Variants in FREM2 observed in about 807,000 individuals in gnomAD.
FREM2 encodes the protein FRAS1-related extracellular matrix protein 2.
In FREM2, 119 loss-of-function variants were observed where a neutral mutation model predicts 219.9. That is an observed-to-expected ratio of 0.54 (90% CI 0.47 to 0.63). The LOEUF is 0.63. FREM2 is among the 30% of genes least tolerant of loss of function. The probability of loss-of-function intolerance (pLI) is 0.00; values close to 1 mark genes in which losing one functional copy is unlikely to be tolerated. For synonymous variants in FREM2, 1,562 were observed against 1,522.8 expected, an observed-to-expected ratio of 1.03 and a Z score of -0.60; for missense variants, 4,030 against 3,993.6, an observed-to-expected ratio of 1.01 and a Z score of -0.25.
At chr13:38,797,937 CT>C (rs910240890) in intron 6 of FREM2, among the ~76,000 whole-genome samples, 10 of 152,018 alleles carry the variant, frequency 6.6e-5, no homozygotes, top group African/African-American at 2.4e-4. Flanking sequence ...ATTTGACTTA[CT>C]TTTTTTCCAG....
chr13:38,701,231 T>C (rs1870330682), intron 2 of FREM2, among the ~76,000 whole-genome samples: 1 of 152,128 alleles, frequency 6.6e-6, no homozygotes, highest in Non-Finnish European at 1.5e-5. Flanking sequence ...CCAGGTGTTC[T>C]GGGCCAGTCA....
intron 6 of FREM2, among the ~76,000 whole-genome samples, chr13:38,804,489 T>C (rs1459216628): frequency 6.6e-6 from 1 of 151,980 alleles, no homozygotes; most frequent in Admixed American, 6.6e-5. Flanking sequence ...AAATACGGTA[T>C]GTGGGGGGAT....
chr13:38,822,675 T>G (rs978050759), intron 6 of FREM2, among the ~76,000 whole-genome samples: 2 of 152,096 alleles, frequency 1.3e-5, no homozygotes, highest in African/African-American at 4.8e-5. Flanking sequence ...ATGTTTTCTG[T>G]GATGTTGGTC....
intron 3 of FREM2, among the ~76,000 whole-genome samples, chr13:38,766,809 G>A (rs183281519): frequency 9.2e-5 from 14 of 152,192 alleles, no homozygotes; most frequent in East Asian, 1.9e-4. Flanking sequence ...TACTTCATAC[G>A]TACATTAAGC....
intron 15 of FREM2, among the ~76,000 whole-genome samples, chr13:38,863,835 G>A (rs1428178031): frequency 6.6e-6 from 1 of 151,990 alleles, no homozygotes; most frequent in Non-Finnish European, 1.5e-5. Flanking sequence ...TTTGTTTTTT[G>A]TAGGGGTTTT....
intron 2 of FREM2, among the ~76,000 whole-genome samples, chr13:38,743,044 G>A (rs904701366): frequency 2.4e-4 from 36 of 152,196 alleles, no homozygotes; most frequent in African/African-American, 7.9e-4. Context: ...GTAAGAATGA[G>A]CATGTAAGAA....
intron 6 of FREM2, among the ~76,000 whole-genome samples, chr13:38,796,445 T>C (rs1034464535): frequency 3.9e-5 from 6 of 152,172 alleles, no homozygotes; most frequent in Admixed American, 2.0e-4. Flanking sequence ...TATTCCACCA[T>C]GACTCAGATA....
intron 14 of FREM2, among the ~76,000 whole-genome samples, chr13:38,860,265 A>G (rs1877713040): frequency 6.6e-6 from 1 of 152,084 alleles, no homozygotes; most frequent in South Asian, 2.1e-4. Context: ...ACACCTTGGT[A>G]TTACAAGAGA....
At chr13:38,696,506 A>T (rs1332930539) in intron 1 of FREM2, among the ~76,000 whole-genome samples, 1 of 152,180 alleles carries the variant, frequency 6.6e-6, no homozygotes, top group African/African-American at 2.4e-5. Flanking sequence ...GATAAATATT[A>T]CCTATCATTG....
At chr13:38,837,190 C>T (rs925575871) in intron 6 of FREM2, among the ~76,000 whole-genome samples, 41 of 152,250 alleles carry the variant, frequency 2.7e-4, no homozygotes, top group South Asian at 1.0e-3. Flanking sequence ...GCCTTAATTT[C>T]GTTATTTACT....
At position 38,743,769 on chromosome 13, in the gene FREM2, C is replaced by T. The variant is rs2137783850; in HGVS notation, c.5264-20535C>T. 1.3e-5 allele frequency among the ~76,000 whole-genome samples: 2 copies of T among 152,288 alleles called. 1 individual carries two copies. The highest frequency in any genetic ancestry group is 4.2e-4 in the South Asian group (2 of 4,818). On this transcript the variant is annotated intron_variant, in intron 2 of 23. Transcript: ENST00000280481. Reference sequence around the variant, plus strand: ...CCTTACTGAATAGAACAATAAAGCTCTCTTTCTTTGTCATTTCTCCCACTA... The same window carrying T: ...CCTTACTGAATAGAACAATAAAGCTTTCTTTCTTTGTCATTTCTCCCACTA...
At chr13:38,727,587 C>CA (rs1258611090) in intron 2 of FREM2, among the ~76,000 whole-genome samples, 1 of 152,228 alleles carries the variant, frequency 6.6e-6, no homozygotes, top group African/African-American at 2.4e-5. Flanking sequence ...TGCATGAAGG[C>CA]AGAGACTATG....
intron 6 of FREM2, among the ~76,000 whole-genome samples, chr13:38,807,977 T>C (rs149892587): frequency 6.6e-6 from 1 of 152,010 alleles, no homozygotes; most frequent in Admixed American, 6.5e-5. Flanking sequence ...TCTTCAAATA[T>C]AAGGCTGTTT....
At chr13:38,792,820 G>A (rs1874617134) in intron 6 of FREM2, among the ~76,000 whole-genome samples, 1 of 151,944 alleles carries the variant, frequency 6.6e-6, no homozygotes, top group Non-Finnish European at 1.5e-5. Flanking sequence ...AATGTGGGAG[G>A]CACTATAGCA....
intron 6 of FREM2, among the ~76,000 whole-genome samples, chr13:38,821,545 C>G (rs1324107147): frequency 6.6e-6 from 1 of 152,074 alleles, no homozygotes. Flanking sequence ...AATAAATCAT[C>G]TTTTTTTCTC....
chr13:38,734,779 C>T (rs1871916287), intron 2 of FREM2, among the ~76,000 whole-genome samples: 1 of 122,466 alleles, frequency 8.2e-6, no homozygotes, highest in South Asian at 2.8e-4. Flanking sequence ...CACAGTCTCA[C>T]TCTGTTGCAC....
chr13:38,813,132 G>C (rs1027552359), intron 6 of FREM2, among the ~76,000 whole-genome samples: 1 of 151,884 alleles, frequency 6.6e-6, no homozygotes, highest in African/African-American at 2.4e-5. Context: ...GTGTTTTTCT[G>C]TCTGCTTCCT....
At chr13:38,791,108 T>G (rs1306269249) in intron 6 of FREM2, among the ~76,000 whole-genome samples, 2 of 152,288 alleles carry the variant, frequency 1.3e-5, no homozygotes, top group East Asian at 3.9e-4. Flanking sequence ...TGACTGAGAT[T>G]CAATGAAGGG....
chr13:38,820,636 A>G (rs1876005945), intron 6 of FREM2, among the ~76,000 whole-genome samples: 1 of 152,186 alleles, frequency 6.6e-6, no homozygotes, highest in African/African-American at 2.4e-5. Flanking sequence ...CTTACTAGAT[A>G]CTATTGTTGT....
Sources: gnomAD v4.1 joint callset for allele counts (sites outside exome capture counted in the v4.1 genomes callset) on GRCh38, gnomAD v4.1.1 for gene constraint, MANE v1.5 for transcripts, NCBI Gene and HGNC (gene_info 2026-07-23, HGNC 2026-07-21) for gene names.